Variants in ADK observed in about 807,000 individuals in gnomAD.
The protein encoded by ADK is adenosine kinase, also known as N6,N6-dimethyladenosine kinase.
A neutral mutation model predicts 44.7 loss-of-function variants in ADK; 24 were observed. The ratio of observed to expected loss-of-function variants is 0.54; its 90% CI spans 0.39 to 0.76. ADK has a LOEUF of 0.76. Among genes scored for constraint, ADK ranks in the 30% least tolerant of loss-of-function variants. ADK has a pLI of 0.00. For synonymous variants in ADK, 128 were observed against 142.6 expected (o/e 0.90, Z 0.73); for missense variants, 321 against 425.1 (o/e 0.76, Z 2.15).
chr10:74,152,845 A>G (rs1315406377), intron 1 of ADK, among the ~76,000 whole-genome samples: 1 of 152,238 alleles, frequency 6.6e-6, no homozygotes. Flanking sequence ...TGGTGAGAGC[A>G]TTCCTTAGGC....
intron 6 of ADK, among the ~76,000 whole-genome samples, chr10:74,489,450 T>A (rs754915432): frequency 7.2e-5 from 11 of 151,946 alleles, no homozygotes; most frequent in Non-Finnish European, 1.5e-4. Context: ...AGGATACAGA[T>A]GCATGTAGTA....
chr10:74,670,362 C>T, intron 10 of ADK, 93 bp downstream of exon 10: 1 of 908,464 alleles, frequency 1.1e-6, no homozygotes. Context: ...TTAGTAACTT[C>T]TAATTTCTTC....
intron 9 of ADK, among the ~76,000 whole-genome samples, chr10:74,667,576 A>G (rs2134188387): frequency 6.8e-6 from 1 of 147,796 alleles, no homozygotes; most frequent in Non-Finnish European, 1.5e-5. Context: ...TCTGTCGCCC[A>G]GGCTGGAGTG....
intron 6 of ADK, among the ~76,000 whole-genome samples, chr10:74,475,142 G>T (rs1440474516): frequency 6.6e-6 from 1 of 150,772 alleles, no homozygotes. Context: ...AAAAAACAAA[G>T]CAAACAAAAA....
intron 6 of ADK, among the ~76,000 whole-genome samples, chr10:74,425,856 T>G (rs1339388888): frequency 6.6e-6 from 1 of 152,202 alleles, no homozygotes; most frequent in Non-Finnish European, 1.5e-5. Flanking sequence ...AACCCAGCAT[T>G]TGTTGTTGTT....
intron 9 of ADK, among the ~76,000 whole-genome samples, chr10:74,620,159 A>G (rs1852934557): frequency 6.6e-6 from 1 of 152,224 alleles, no homozygotes; most frequent in African/African-American, 2.4e-5. Flanking sequence ...ACTATGTAAT[A>G]TATTATTGTT....
intron 6 of ADK, among the ~76,000 whole-genome samples, chr10:74,520,854 T>C (rs1478201115): frequency 6.6e-6 from 1 of 152,170 alleles, no homozygotes; most frequent in Non-Finnish European, 1.5e-5. Context: ...ACAGTCCCAC[T>C]TCATTCTCAG....
At chr10:74,468,617 G>A (rs1846442603) in intron 6 of ADK, among the ~76,000 whole-genome samples, 1 of 152,138 alleles carries the variant, frequency 6.6e-6, no homozygotes, top group South Asian at 2.1e-4. Flanking sequence ...TAATGTGCAA[G>A]TTTAATAACC....
intron 9 of ADK, among the ~76,000 whole-genome samples, chr10:74,643,105 G>T (rs1853929755): frequency 6.6e-6 from 1 of 152,110 alleles, no homozygotes; most frequent in South Asian, 2.1e-4. Flanking sequence ...GCCTCCTAAA[G>T]TGCTGGGATT....
chr10:74,537,775 TAACTC>T (rs2133709139), intron 7 of ADK, among the ~76,000 whole-genome samples: 1 of 152,296 alleles, frequency 6.6e-6, no homozygotes, highest in Non-Finnish European at 1.5e-5. Context: ...AGTTACCACT[TAACTC>T]CACAGTGAAA....
At chr10:74,627,575 A>G (rs1304174527) in intron 9 of ADK, among the ~76,000 whole-genome samples, 1 of 151,018 alleles carries the variant, frequency 6.6e-6, no homozygotes, top group African/African-American at 2.4e-5. Context: ...TTTTTTTTTA[A>G]GTACTAAGAG....
At chr10:74,518,270 T>C (rs1388179555) in intron 6 of ADK, among the ~76,000 whole-genome samples, 3 of 152,266 alleles carry the variant, frequency 2.0e-5, no homozygotes, top group Non-Finnish European at 4.4e-5. Flanking sequence ...CACAAGCATC[T>C]GGTAGTCTTA....
At chr10:74,514,303 A>G (rs568260212) in intron 6 of ADK, among the ~76,000 whole-genome samples, 1 of 152,266 alleles carries the variant, frequency 6.6e-6, no homozygotes, top group South Asian at 2.1e-4. Flanking sequence ...TTTGAGGTGA[A>G]TATATTTGAG....
chr10:74,387,948 C>A (rs1017957773), intron 4 of ADK, among the ~76,000 whole-genome samples: 1 of 151,620 alleles, frequency 6.6e-6, no homozygotes, highest in African/African-American at 2.4e-5. Flanking sequence ...ACTCTTATTG[C>A]CCAGGCTGGA....
intron 7 of ADK, among the ~76,000 whole-genome samples, chr10:74,543,439 T>G (rs1186362258): frequency 6.6e-6 from 1 of 152,244 alleles, no homozygotes; most frequent in Non-Finnish European, 1.5e-5. Context: ...TAAGACTGTT[T>G]CCAGAGTCTT....
chr10:74,481,744 A>G (rs1847082016), intron 6 of ADK, among the ~76,000 whole-genome samples: 3 of 150,610 alleles, frequency 2.0e-5, no homozygotes, highest in Admixed American at 1.3e-4. Flanking sequence ...TTCCTTTTTC[A>G]TTTCTCATCT....
chr10:74,519,376 AT>A (rs1848720147), intron 6 of ADK, among the ~76,000 whole-genome samples: 1 of 151,964 alleles, frequency 6.6e-6, no homozygotes, highest in Non-Finnish European at 1.5e-5. Context: ...ACTTATGCTC[AT>A]CATGTACATG....
chr10:74,262,365 A>G (rs1182616020), intron 3 of ADK, among the ~76,000 whole-genome samples: 3 of 150,478 alleles, frequency 2.0e-5, no homozygotes, highest in African/African-American at 4.9e-5. Flanking sequence ...TCTTTTTTGC[A>G]TGTACTTTTA....
chr10:74,357,636 A>G (rs953644138), intron 4 of ADK, among the ~76,000 whole-genome samples: 1 of 151,868 alleles, frequency 6.6e-6, no homozygotes, highest in Non-Finnish European at 1.5e-5. Flanking sequence ...TGGCTCACAC[A>G]ATTTAACTGT....
Sources: gnomAD v4.1 joint callset for allele counts (sites outside exome capture counted in the v4.1 genomes callset) on GRCh38, gnomAD v4.1.1 for gene constraint, MANE v1.5 for transcripts, NCBI Gene and HGNC (gene_info 2026-07-23, HGNC 2026-07-21) for gene names.